The following PDE7B variants were observed in gnomAD, a reference collection of about 807,000 sequenced individuals.
PDE7B encodes the protein phosphodiesterase 7B, also known as 3',5'-cyclic-AMP phosphodiesterase 7B.
PDE7B carries 29 observed loss-of-function variants against 56.2 expected under a neutral mutation model. The ratio of observed to expected loss-of-function variants is 0.52; its 90% confidence interval spans 0.38 to 0.70. The LOEUF (loss-of-function observed/expected upper bound fraction) is 0.70. PDE7B is among the 30% of genes least tolerant of loss of function. PDE7B has a pLI of 0.00. For missense variants in PDE7B, 490 were observed against 565.0 expected (o/e 0.87, Z 1.35); for synonymous variants, 197 against 196.9 (o/e 1.00, Z 0.00).
chr6:135,948,918 G>C (rs936795259), intron 2 of PDE7B, among the ~76,000 whole-genome samples: 1 of 151,062 alleles, frequency 6.6e-6, no homozygotes. Context: ...CAGACAGACA[G>C]ACAGACAGAC....
chr6:136,116,209 G>C (rs990525441), intron 3 of PDE7B, among the ~76,000 whole-genome samples: 2 of 152,218 alleles, frequency 1.3e-5, no homozygotes, highest in African/African-American at 4.8e-5. Context: ...ACTGATTAAG[G>C]AGTTGCCTAT....
chr6:136,121,428 T>C (rs1010393130), intron 3 of PDE7B, among the ~76,000 whole-genome samples: 34 of 152,212 alleles, frequency 2.2e-4, no homozygotes, highest in Non-Finnish European at 4.9e-4. Flanking sequence ...TATTTTCTGT[T>C]TTGGAGAGAA....
chr6:136,146,514 C>T (rs952269108), intron 3 of PDE7B, among the ~76,000 whole-genome samples: 1 of 152,168 alleles, frequency 6.6e-6, no homozygotes, highest in African/African-American at 2.4e-5. Context: ...TGCTTCTTCT[C>T]AGGGGCATCC....
At chr6:136,055,512 A>AT (rs748391888) in intron 2 of PDE7B, among the ~76,000 whole-genome samples, 1 of 152,222 alleles carries the variant, frequency 6.6e-6, no homozygotes, top group East Asian at 1.9e-4. Context: ...ATCTGAATAC[A>AT]TTTTTCATTT....
chr6:136,174,156 G>C (rs1028161392), intron 9 of PDE7B, among the ~76,000 whole-genome samples: 1 of 152,138 alleles, frequency 6.6e-6, no homozygotes, highest in Non-Finnish European at 1.5e-5. Context: ...GTTTTCACAC[G>C]CTTCAGTATC....
At chr6:136,146,249 C>T (rs1778410996) in intron 3 of PDE7B, among the ~76,000 whole-genome samples, 1 of 152,188 alleles carries the variant, frequency 6.6e-6, no homozygotes, top group South Asian at 2.1e-4. Context: ...GTTAAACTGA[C>T]TCTACATTCA....
At chr6:136,175,216 CCAG>C (rs986036492) in intron 9 of PDE7B, among the ~76,000 whole-genome samples, 1 of 151,966 alleles carries the variant, frequency 6.6e-6, no homozygotes, top group Non-Finnish European at 1.5e-5. Context: ...ATTGTTTTTG[CCAG>C]AAGAATAATT....
chr6:136,127,746 A>G (rs1778046745), intron 3 of PDE7B, among the ~76,000 whole-genome samples: 1 of 152,162 alleles, frequency 6.6e-6, no homozygotes, highest in Non-Finnish European at 1.5e-5. Flanking sequence ...AGGGCTGCAA[A>G]TTTTAACAGC....
At chr6:136,187,001 C>T (rs1779154977) in intron 11 of PDE7B, 35 bp from the exon 12 acceptor site, 1 of 1,033,078 alleles carries the variant, frequency 9.7e-7, no homozygotes, top group Non-Finnish European at 1.5e-6. Context: ...TTCTAGATTA[C>T]CAATGTGTTT....
At chr6:136,004,200 T>C (rs1305878006) in intron 2 of PDE7B, among the ~76,000 whole-genome samples, 2 of 152,150 alleles carry the variant, frequency 1.3e-5, no homozygotes, top group Non-Finnish European at 2.9e-5. Flanking sequence ...ATGGGACATA[T>C]CTCAAAATAG....
chr6:136,024,994 T>G (rs925551126), intron 2 of PDE7B, among the ~76,000 whole-genome samples: 13 of 152,338 alleles, frequency 8.5e-5, no homozygotes, highest in Middle Eastern at 3.4e-3. Flanking sequence ...GGGGAAAACG[T>G]GACTTTACCA....
intron 2 of PDE7B, among the ~76,000 whole-genome samples, chr6:136,015,013 A>G (rs1349562756): frequency 2.0e-5 from 3 of 152,256 alleles, no homozygotes; most frequent in East Asian, 1.9e-4. Flanking sequence ...TAAAATACAC[A>G]TATATGCGTG....
intron 4 of PDE7B, among the ~76,000 whole-genome samples, chr6:136,148,379 A>AAAAGAAAGAAGGAAAGG (rs535344429): frequency 1.4e-5 from 2 of 147,912 alleles, no homozygotes; most frequent in Middle Eastern, 3.4e-3. Flanking sequence ...GAAAGAAAAG[A>AAAAGAAAGAAGGAAAGG]AAAGAAAGAA....
At chr6:135,873,568 A>G (rs1193346290) in intron 1 of PDE7B, among the ~76,000 whole-genome samples, 4 of 152,190 alleles carry the variant, frequency 2.6e-5, no homozygotes, top group Admixed American at 6.6e-5. Flanking sequence ...AGACAATAGT[A>G]GAATTTACTG....
At chr6:136,149,304 G>A (rs945061213) in intron 5 of PDE7B, among the ~76,000 whole-genome samples, 154 bp downstream of exon 5, 3 of 152,132 alleles carry the variant, frequency 2.0e-5, no homozygotes, top group African/African-American at 7.2e-5. Flanking sequence ...CCGGGGTAAG[G>A]GAAAATCAAC....
At chr6:136,002,919 C>T (rs2128206271) in intron 2 of PDE7B, among the ~76,000 whole-genome samples, 1 of 152,178 alleles carries the variant, frequency 6.6e-6, no homozygotes, top group African/African-American at 2.4e-5. Context: ...CACCACACCA[C>T]ACCTATTCCA....
At chr6:135,906,827 T>TTTTTTTTGTTTTTTTTTTTTTG (rs1776121817) in intron 1 of PDE7B, among the ~76,000 whole-genome samples, 6 of 133,544 alleles carry the variant, frequency 4.5e-5, no homozygotes, top group Non-Finnish European at 8.2e-5. Flanking sequence ...TTTTTTTTTT[T>TTTTTTTTGTTTTTTTTTTTTTG]TTTTTTTTTA....
chr6:135,880,479 T>C (rs1386837945), intron 1 of PDE7B, among the ~76,000 whole-genome samples: 1 of 152,176 alleles, frequency 6.6e-6, no homozygotes, highest in Non-Finnish European at 1.5e-5. Flanking sequence ...GTAAGTTGTA[T>C]GTGTAGAACT....
At chr6:136,139,958 G>A (rs1778290821) in intron 3 of PDE7B, among the ~76,000 whole-genome samples, 1 of 152,176 alleles carries the variant, frequency 6.6e-6, no homozygotes, top group Non-Finnish European at 1.5e-5. Flanking sequence ...TTGTTGTGCA[G>A]AAGCTCTTTA....
Sources: allele counts gnomAD v4.1 joint callset (sites outside exome capture counted in the v4.1 genomes callset), GRCh38; gene constraint gnomAD v4.1.1; transcripts MANE v1.5; gene names NCBI Gene and HGNC (gene_info 2026-07-23, HGNC 2026-07-21).